Variants in NCOA1 observed in about 807,000 individuals in gnomAD.
NCOA1 encodes Hin-2 protein.
In NCOA1, 35 loss-of-function variants were observed where a neutral mutation model predicts 150.9. The ratio of observed to expected loss-of-function variants is 0.23; its 90% CI spans 0.18 to 0.31. NCOA1 has a LOEUF of 0.31. Ranked by LOEUF, NCOA1 falls within the 10% of genes least tolerant of loss-of-function variation. The pLI is 1.00. For synonymous variants in NCOA1, 590 were observed against 630.0 expected, an observed-to-expected ratio of 0.94 and a Z score of 0.95; for missense variants, 1,491 against 1,749.3, an observed-to-expected ratio of 0.85 and a Z score of 2.63.
chr2:24,671,040 A>T (rs1671658717), intron 6 of NCOA1, among the ~76,000 whole-genome samples: 1 of 152,212 alleles, frequency 6.6e-6, no homozygotes, highest in South Asian at 2.1e-4. Context: ...TCACTCTAGT[A>T]TTTATCCTGA....
chr2:24,752,103 G>C lies in NCOA1; in HGVS notation c.3828G>C (p.Gly1276=). ...SLLQQTPPAS[G]YQSPDMKAWQ... Reference sequence around the variant, plus strand: ...TCCAGCAAACTCCACCTGCCTCCGGGTATCAGTCACCAGACATGAAGGCCT... The same window carrying C: ...TCCAGCAAACTCCACCTGCCTCCGGCTATCAGTCACCAGACATGAAGGCCT... The change falls in exon 20 of 23, where the codon GGG becomes GGC. Residue 1276 remains glycine, a synonymous_variant. Transcript: ENST00000348332. The C allele has an allele frequency of 6.2e-7, 1 of 1,614,070 alleles. No individual in the cohort carries two copies. Among genetic ancestry groups the C allele is most frequent in the Non-Finnish European group, 8.5e-7 (1 of 1,180,006 alleles).
intron 7 of NCOA1, among the ~76,000 whole-genome samples, chr2:24,679,473 C>T (rs1174469250): frequency 6.6e-6 from 1 of 152,064 alleles, no homozygotes; most frequent in Admixed American, 6.6e-5. Flanking sequence ...GGCAGGTCTT[C>T]CACTATCAAC....
rs977657579 is a variant in NCOA1, at chr2:24,491,304, G to A, written c.-694G>A. Reference sequence around the variant, plus strand: ...AACATGGCGGCCGCGGAGAGCGGCTGAAATGCCTGTTCTTCAGGCCGGGCG... The same window carrying A: ...AACATGGCGGCCGCGGAGAGCGGCTAAAATGCCTGTTCTTCAGGCCGGGCG... On this transcript the variant is annotated 5_prime_UTR_variant, in exon 1 of 23. An upstream open reading frame in the 5' UTR loses its in-frame stop. Coordinates refer to ENST00000348332, the MANE Select transcript of NCOA1 (RefSeq NM_003743.5). 2.7e-5 allele frequency among the ~76,000 whole-genome samples: 4 copies of A among 147,788 alleles called. No homozygotes were observed. Among genetic ancestry groups the A allele is most frequent in the African/African-American group, 7.3e-5 (3 of 41,002 alleles).
At chr2:24,618,679 A>C (rs1379154322) in intron 3 of NCOA1, among the ~76,000 whole-genome samples, 6 of 152,140 alleles carry the variant, frequency 3.9e-5, no homozygotes, top group African/African-American at 1.4e-4. Flanking sequence ...TACCTCTACA[A>C]ACTGCCATAC....
At chr2:24,759,603 A>G (rs968628802) in intron 21 of NCOA1, among the ~76,000 whole-genome samples, 2 of 152,308 alleles carry the variant, frequency 1.3e-5, no homozygotes, top group Middle Eastern at 3.4e-3. Context: ...CGTATCAGCA[A>G]CCACAAAGTA....
intron 3 of NCOA1, among the ~76,000 whole-genome samples, chr2:24,636,007 AATC>A (rs1198930787): frequency 2.0e-5 from 3 of 152,214 alleles, no homozygotes; most frequent in Non-Finnish European, 4.4e-5. Flanking sequence ...CCATTGGGGA[AATC>A]ATCATGATTT....
At chr2:24,588,064 TGA>T (rs1274816361) in intron 3 of NCOA1, among the ~76,000 whole-genome samples, 1 of 151,888 alleles carries the variant, frequency 6.6e-6, no homozygotes, top group African/African-American at 2.4e-5. Context: ...CTGTGGTGAG[TGA>T]GAGGTGGGCT....
chr2:24,493,414 GA>G (rs1204953744), intron 1 of NCOA1, among the ~76,000 whole-genome samples: 1 of 152,204 alleles, frequency 6.6e-6, no homozygotes, highest in Non-Finnish European at 1.5e-5. Context: ...GATTTTTGTA[GA>G]TATTTTCTAC....
chr2:24,729,395 G>A (rs1662871513), intron 16 of NCOA1, 106 bp from the exon 17 acceptor site: 3 of 1,097,702 alleles, frequency 2.7e-6, no homozygotes, highest in Non-Finnish European at 3.9e-6. Flanking sequence ...CTTCTGGAGA[G>A]CATGAATTCA....
chr2:24,728,873 A>T (rs1662844348), intron 16 of NCOA1, among the ~76,000 whole-genome samples: 1 of 152,248 alleles, frequency 6.6e-6, no homozygotes, highest in African/African-American at 2.4e-5. Flanking sequence ...CTTGACCAGC[A>T]TTTTTAAATG....
At chr2:24,558,139 G>T (rs1666147878) in intron 1 of NCOA1, among the ~76,000 whole-genome samples, 1 of 151,752 alleles carries the variant, frequency 6.6e-6, no homozygotes, top group African/African-American at 2.4e-5. Flanking sequence ...ACTCCAAACT[G>T]TATTTTTCCC....
At chr2:24,608,519 G>A (rs985696450) in intron 3 of NCOA1, among the ~76,000 whole-genome samples, 5 of 151,198 alleles carry the variant, frequency 3.3e-5, no homozygotes, top group Admixed American at 1.3e-4. Context: ...TGTCCACCTC[G>A]TCCTCCCAAA....
At chr2:24,742,314 G>A in intron 19 of NCOA1, 128 bp downstream of exon 19, 1 of 1,100,274 alleles carries the variant, frequency 9.1e-7, no homozygotes, top group Non-Finnish European at 1.3e-6. Context: ...GTGGGAGTCT[G>A]GAGACCCAGG....
chr2:24,503,279 A>G (rs1419740770), intron 1 of NCOA1, among the ~76,000 whole-genome samples: 1 of 152,216 alleles, frequency 6.6e-6, no homozygotes, highest in Non-Finnish European at 1.5e-5. Flanking sequence ...GTAAAGGGAT[A>G]TCTCAAAAGT....
intron 14 of NCOA1, 28 bp from the exon 15 acceptor site, chr2:24,726,561 G>T: frequency 7.0e-7 from 1 of 1,437,114 alleles, no homozygotes; most frequent in South Asian, 1.2e-5. Flanking sequence ...CTGAGATAAT[G>T]ACTTCTTACC....
At chr2:24,636,063 A>T (rs1267978927) in intron 3 of NCOA1, among the ~76,000 whole-genome samples, 1 of 152,188 alleles carries the variant, frequency 6.6e-6, no homozygotes, top group Non-Finnish European at 1.5e-5. Context: ...AACCCAAAAC[A>T]GACATTAAAA....
Position 24,622,472 on chromosome 2 carries a change from A to G in NCOA1, c.-174-21494A>G, listed in dbSNP as rs146551281. ...AGTTAATAACTACTGCCCTATACTT[A>G]TGATTATGTCTTTGTACTTTTGATT... On this transcript the variant is annotated intron_variant, in intron 3 of 22. Coordinates refer to ENST00000348332, the MANE Select transcript of NCOA1 (RefSeq NM_003743.5). 2.8e-4 allele frequency among the ~76,000 whole-genome samples: 42 copies of G among 152,290 alleles called. 4 individuals carry two copies. The East Asian group carries it at 8.1e-3, about 29-fold the overall frequency.
intron 8 of NCOA1, 117 bp from the exon 9 acceptor site, chr2:24,691,364 C>G: frequency 2.3e-6 from 2 of 872,248 alleles, no homozygotes; most frequent in South Asian, 1.6e-5. Flanking sequence ...AGAGGTCAGT[C>G]TGTCTTTTAA....
intron 1 of NCOA1, among the ~76,000 whole-genome samples, chr2:24,520,002 C>A (rs1664355975): frequency 6.6e-6 from 1 of 152,032 alleles, no homozygotes; most frequent in Non-Finnish European, 1.5e-5. Context: ...GATGGATGAA[C>A]ACATCAAAAG....
Sources: gnomAD v4.1 joint callset for allele counts (sites outside exome capture counted in the v4.1 genomes callset) on GRCh38, gnomAD v4.1.1 for gene constraint, MANE v1.5 for transcripts, NCBI Gene and HGNC (gene_info 2026-07-23, HGNC 2026-07-21) for gene names.